The following ADGRE2 variants were observed in gnomAD, a reference collection of about 807,000 sequenced individuals.
ADGRE2 encodes adhesion G protein-coupled receptor E2, also known as CD97 antigen.
A neutral mutation model predicts 100.8 loss-of-function variants in ADGRE2; 83 were observed. That is an observed-to-expected ratio of 0.82 (90% CI 0.69 to 0.99). The LOEUF is 0.99. ADGRE2 is among the 50% of genes least tolerant of loss of function. ADGRE2 has a pLI of 0.00. For synonymous variants in ADGRE2, 355 were observed against 413.0 expected, an observed-to-expected ratio of 0.86 and a Z score of 1.70; for missense variants, 814 against 1,035.7, an observed-to-expected ratio of 0.79 and a Z score of 2.94.
intron 20 of ADGRE2, among the ~76,000 whole-genome samples, chr19:14,740,513 T>TGG (rs2042895693): frequency 6.7e-6 from 1 of 150,162 alleles, no homozygotes; most frequent in African/African-American, 2.5e-5. Context: ...CCCAGCTACT[T>TGG]GGGAGGTGGA....
intron 15 of ADGRE2, 81 bp from the exon 16 acceptor site, chr19:14,751,752 G>C: frequency 2.0e-6 from 2 of 980,328 alleles, no homozygotes; most frequent in Non-Finnish European, 1.6e-6. Context: ...ATGTTGTTGG[G>C]GAGAATTCTG....
intron 20 of ADGRE2, among the ~76,000 whole-genome samples, chr19:14,736,835 ATATCTAT>A (rs2042765927): frequency 6.9e-6 from 1 of 145,592 alleles, no homozygotes; most frequent in Admixed American, 7.0e-5. Flanking sequence ...TAGATATTTA[ATATCTAT>A]ATATTTAGAA....
intron 18 of ADGRE2, among the ~76,000 whole-genome samples, chr19:14,745,013 T>C (rs111298205): frequency 0.097 from 14,752 of 151,746 alleles, 2,449 homozygotes; most frequent in African/African-American, 0.34. Flanking sequence ...CCTCAGCCTC[T>C]GGAGTAGCTG....
the ADGRE2 span, among the ~76,000 whole-genome samples, chr19:14,727,194 AT>A: frequency 1.5e-3 from 232 of 151,854 alleles, no homozygotes; most frequent in African/African-American, 4.9e-3. Context: ...CGCCTGGCTA[AT>A]TTTTTTGTAT....
At chr19:14,772,733 G>A (rs767075794) in intron 4 of ADGRE2, among the ~76,000 whole-genome samples, 6 of 149,406 alleles carry the variant, frequency 4.0e-5, no homozygotes, top group Admixed American at 6.8e-5. Context: ...TGCTGAGGTG[G>A]GGGATGGACA....
chr19:14,757,410 A>ATG (rs2147295613), intron 11 of ADGRE2, among the ~76,000 whole-genome samples: 1 of 50,806 alleles, frequency 2.0e-5, no homozygotes, highest in East Asian at 1.0e-3. Context: ...AAGGAATCCA[A>ATG]ATACCCAAAA....
intron 1 of ADGRE2, among the ~76,000 whole-genome samples, chr19:14,777,688 C>T (rs1056662545): frequency 2.0e-5 from 3 of 150,518 alleles, no homozygotes; most frequent in African/African-American, 7.4e-5. Context: ...TGTTTCCCGC[C>T]CTGTGTCCAG....
At position 14,751,435 on chromosome 19, in the gene ADGRE2, C is replaced by T. The variant is rs142522626; in HGVS notation, c.2024+1G>A. 2.5e-4 allele frequency: 409 copies of T among 1,611,544 alleles called. 1 individual carries two copies. Among genetic ancestry groups the T allele is most frequent in the South Asian group, 1.8e-3 (164 of 91,018 alleles). ...TAAGGATTGTGAGAATTTGCACTAA[C>T]CGGGAAGGTGTTCCATAAAGGTGAG... On this transcript the variant is annotated splice_donor_variant, in intron 16 of 20. Transcript: ENST00000315576. LOFTEE classifies it high-confidence loss of function.
intron 20 of ADGRE2, among the ~76,000 whole-genome samples, chr19:14,739,556 A>T (rs990454074): frequency 6.6e-6 from 1 of 152,188 alleles, no homozygotes; most frequent in Admixed American, 6.6e-5. Context: ...CTACAATATG[A>T]GGCAGGTTTT....
At chr19:14,767,437 C>A (rs1457413427) in intron 5 of ADGRE2, among the ~76,000 whole-genome samples, 1 of 152,042 alleles carries the variant, frequency 6.6e-6, no homozygotes, top group Non-Finnish European at 1.5e-5. Context: ...GACGGGGTTT[C>A]ACCGTGTTAG....
chr19:14,776,029 G>A (rs1009792482), intron 2 of ADGRE2, among the ~76,000 whole-genome samples: 2 of 151,984 alleles, frequency 1.3e-5, no homozygotes, highest in Admixed American at 6.6e-5. Context: ...CCTCCCACAG[G>A]AAAACGCTGT....
At chr19:14,764,632 C>T (rs1305024836) in intron 10 of ADGRE2, 22 bp from the exon 11 acceptor site, 3 of 1,597,396 alleles carry the variant, frequency 1.9e-6, no homozygotes, top group African/African-American at 1.3e-5. Context: ...TGGACACAGA[C>T]CTAGTGAGCC....
intron 14 of ADGRE2, among the ~76,000 whole-genome samples, chr19:14,753,072 A>AT (rs35787575): frequency 0.31 from 47,132 of 149,904 alleles, 7,835 homozygotes; most frequent in Non-Finnish European, 0.38. Context: ...ACCCGTCCTA[A>AT]TTTTTTTTTT....
Position 14,746,249 on chromosome 19 carries a change from G to T in ADGRE2, c.2166C>A (p.Ser722=), listed in dbSNP as rs764342470. The T allele has an allele frequency of 6.2e-7, 1 of 1,602,520 alleles. No individual in the cohort carries two copies. The highest frequency in any genetic ancestry group is 1.1e-5 in the South Asian group (1 of 90,820). ...NRLSSLNSEV[S]TLRNTRMLAF... is the part of the protein sequence containing the mutation. ...CATCTTACCTTGTGTTCCGGAGGGT[G>T]GACACTTCACTATTGAGGGAGGAGA... The change falls in exon 18 of 21, where the codon TCC becomes TCA. Residue 722 remains serine, a synonymous_variant. Coordinates refer to ENST00000315576, the MANE Select transcript of ADGRE2 (RefSeq NM_013447.4).
intron 20 of ADGRE2, among the ~76,000 whole-genome samples, chr19:14,742,977 G>T (rs2042974546): frequency 6.6e-6 from 1 of 151,664 alleles, no homozygotes; most frequent in Non-Finnish European, 1.5e-5. Context: ...TGTTGCCTGG[G>T]CTGGAGTGCA....
chr19:14,767,490 C>T lies in ADGRE2; in HGVS notation c.356-381G>A, dbSNP rs1599868870. ...TCCTGACCTCGTGATCAGCCCACCT[C>T]GGCCTCCCAAAGTGCTGGGATTGCA... is the stretch of plus-strand genomic sequence containing the variant. On this transcript the variant is annotated intron_variant, in intron 5 of 20. Transcript: ENST00000315576. Among the ~76,000 whole-genome samples the T allele has an allele frequency of 3.9e-5, 6 of 152,268 alleles. No individual in the cohort carries two copies. The South Asian group carries it at 1.2e-3, about 32-fold the overall frequency.
At chr19:14,753,323 C>A (rs1468739401) in intron 14 of ADGRE2, among the ~76,000 whole-genome samples, 1 of 151,826 alleles carries the variant, frequency 6.6e-6, no homozygotes, top group Non-Finnish European at 1.5e-5. Context: ...AACCCACTGC[C>A]GCTTACAGGC....
rs763689406 is a variant in ADGRE2, at chr19:14,772,328, G to C, written c.355+14C>G. 2 of 1,614,052 alleles carry C rather than the reference G, an allele frequency of 1.2e-6. No individual in the cohort carries two copies. Among genetic ancestry groups the C allele is most frequent in the Admixed American group, 3.3e-5 (2 of 59,990 alleles). The stretch of plus-strand genomic sequence containing the variant: ...CATGGACAGTGGTGATGGAGGATGT[G>C]GGGTGGTTCTTACCTTGACACGTGT... On this transcript the variant is annotated intron_variant, in intron 5 of 20. Coordinates refer to ENST00000315576, the MANE Select transcript of ADGRE2 (RefSeq NM_013447.4).
chr19:14,773,797 C>T, intron 4 of ADGRE2, 141 bp downstream of exon 4: 1 of 849,852 alleles, frequency 1.2e-6, no homozygotes, highest in Non-Finnish European at 2.0e-6. Flanking sequence ...ACCACACCTG[C>T]CCTCTTTCTC....
Sources: gnomAD v4.1 joint callset for allele counts (sites outside exome capture counted in the v4.1 genomes callset) on GRCh38, gnomAD v4.1.1 for gene constraint, MANE v1.5 for transcripts, NCBI Gene and HGNC (gene_info 2026-07-23, HGNC 2026-07-21) for gene names.